The following GUCY1A2 variants were observed in gnomAD, a reference collection of about 807,000 sequenced individuals.
GUCY1A2 encodes guanylate cyclase soluble subunit alpha-2.
A neutral mutation model predicts 63.5 loss-of-function variants in GUCY1A2; 27 were observed. That is an observed-to-expected ratio of 0.43 (90% confidence interval 0.31 to 0.59). The LOEUF (loss-of-function observed/expected upper bound fraction) is 0.59. Ranked by LOEUF, GUCY1A2 falls within the 20% of genes least tolerant of loss-of-function variation. The pLI, the probability that GUCY1A2 is intolerant of heterozygous loss-of-function variation, is 0.11. For synonymous variants in GUCY1A2, 364 were observed against 343.5 expected, an observed-to-expected ratio of 1.06 and a Z score of -0.66; for missense variants, 768 against 913.3, an observed-to-expected ratio of 0.84 and a Z score of 2.05.
chr11:106,934,720 A>G (rs1316979197), intron 4 of GUCY1A2, among the ~76,000 whole-genome samples: 1 of 152,182 alleles, frequency 6.6e-6, no homozygotes, highest in Non-Finnish European at 1.5e-5. Context: ...CCTCAGTTCC[A>G]ACCCTGAGAA....
chr11:106,818,474 T>C (rs1386083807), intron 4 of GUCY1A2, among the ~76,000 whole-genome samples: 1 of 152,166 alleles, frequency 6.6e-6, no homozygotes, highest in Non-Finnish European at 1.5e-5. Context: ...CAACGAGCTG[T>C]TCCCAGTTCT....
intron 3 of GUCY1A2, among the ~76,000 whole-genome samples, chr11:106,966,814 T>C (rs1469312881): frequency 2.0e-5 from 3 of 152,122 alleles, no homozygotes; most frequent in African/African-American, 4.8e-5. Flanking sequence ...AGCTTAAAAA[T>C]AGCACTAAAG....
Position 106,830,353 on chromosome 11 carries a change from A to T in GUCY1A2, c.1207-19875T>A, listed in dbSNP as rs187568308. ...ATGGGTTCAAGTTGACAAGGGGTGG[A>T]CTTGTGATGGTTATTACTGAATGTC... is the stretch of plus-strand genomic sequence containing the variant. On this transcript the variant is annotated intron_variant, in intron 4 of 7. Coordinates refer to ENST00000526355, the MANE Select transcript of GUCY1A2 (RefSeq NM_000855.3). Among the ~76,000 whole-genome samples, 4 of 152,276 alleles carry T rather than the reference A, an allele frequency of 2.6e-5. No individual in the cohort carries two copies. The East Asian group carries it at 7.7e-4, about 29-fold the overall frequency.
At chr11:106,807,707 C>T (rs1271274630) in intron 5 of GUCY1A2, among the ~76,000 whole-genome samples, 1 of 152,164 alleles carries the variant, frequency 6.6e-6, no homozygotes, top group African/African-American at 2.4e-5. Context: ...AGTCAATGGA[C>T]TGGGAGAGGC....
chr11:106,891,548 C>G (rs1032475479), intron 4 of GUCY1A2, among the ~76,000 whole-genome samples: 1 of 151,926 alleles, frequency 6.6e-6, no homozygotes. Flanking sequence ...GTGATTTGCT[C>G]TAGAAGCTGT....
chr11:106,981,197 T>G (rs987386854), intron 2 of GUCY1A2, among the ~76,000 whole-genome samples: 1 of 152,180 alleles, frequency 6.6e-6, no homozygotes, highest in African/African-American at 2.4e-5. Flanking sequence ...CATGAAAGCT[T>G]AAGTAATATC....
At chr11:106,691,616 A>G (rs567020865) in intron 7 of GUCY1A2, among the ~76,000 whole-genome samples, 22 of 152,230 alleles carry the variant, frequency 1.4e-4, no homozygotes, top group Non-Finnish European at 3.1e-4. Flanking sequence ...CAGATGTCAG[A>G]ACTTTTAAAT....
rs575436468 is a variant in GUCY1A2, at chr11:106,863,489, T to C, written c.1207-53011A>G. Among the ~76,000 whole-genome samples the C allele has an allele frequency of 8.5e-5, 13 of 152,262 alleles. No individual in the cohort carries two copies. The South Asian group carries it at 1.0e-3, about 12-fold the overall frequency. On this transcript the variant is annotated intron_variant, in intron 4 of 7. Coordinates refer to ENST00000526355, the MANE Select transcript of GUCY1A2 (RefSeq NM_000855.3). ...TTTCTGAGGCCTCTGTTCTGTTCCATTGGTCTATATATCTGTTTTGGTACC... is the reference window on the plus strand; with the variant it reads ...TTTCTGAGGCCTCTGTTCTGTTCCACTGGTCTATATATCTGTTTTGGTACC...
At chr11:106,833,489 T>G (rs372172669) in intron 4 of GUCY1A2, among the ~76,000 whole-genome samples, 4 of 152,144 alleles carry the variant, frequency 2.6e-5, no homozygotes, top group African/African-American at 9.7e-5. Context: ...CATTCTTGAT[T>G]CCTTTTCCAA....
intron 6 of GUCY1A2, among the ~76,000 whole-genome samples, chr11:106,726,456 A>G (rs780643146): frequency 1.3e-5 from 2 of 152,116 alleles, no homozygotes; most frequent in African/African-American, 2.4e-5. Context: ...AAACAGATCA[A>G]TAAGTGTATA....
chr11:106,858,946 T>C (rs1971268), intron 4 of GUCY1A2, among the ~76,000 whole-genome samples: 58,637 of 151,892 alleles, frequency 0.39, 11,572 homozygotes, highest in Middle Eastern at 0.45. Context: ...AATTGAAACA[T>C]TGGAGCAGGG....
chr11:106,728,379 C>T (rs1863443889), intron 6 of GUCY1A2, among the ~76,000 whole-genome samples: 3 of 152,146 alleles, frequency 2.0e-5, no homozygotes, highest in Non-Finnish European at 2.9e-5. Context: ...TATTTTAGTA[C>T]ATATATATCA....
intron 3 of GUCY1A2, among the ~76,000 whole-genome samples, chr11:106,974,047 T>C (rs183579610): frequency 6.6e-6 from 1 of 152,210 alleles, no homozygotes; most frequent in African/African-American, 2.4e-5. Context: ...TGAGATGCAT[T>C]TTCAACCCAA....
chr11:106,950,081 CTAATT>C (rs1246379642), intron 3 of GUCY1A2, among the ~76,000 whole-genome samples: 1 of 152,182 alleles, frequency 6.6e-6, no homozygotes, highest in Non-Finnish European at 1.5e-5. Context: ...TGCCAAATGA[CTAATT>C]TAATAGGTGT....
At chr11:106,785,243 T>G (rs1565289172) in intron 5 of GUCY1A2, among the ~76,000 whole-genome samples, 1 of 152,130 alleles carries the variant, frequency 6.6e-6, no homozygotes, top group African/African-American at 2.4e-5. Context: ...AAGGAGAAGA[T>G]GCAAAGAGAA....
At chr11:106,845,082 T>C (rs1292177763) in intron 4 of GUCY1A2, among the ~76,000 whole-genome samples, 2 of 151,738 alleles carry the variant, frequency 1.3e-5, no homozygotes, top group Non-Finnish European at 3.0e-5. Context: ...TCTTTCAAGA[T>C]GGAGTTACCT....
At chr11:106,748,013 T>G (rs1337359347) in intron 6 of GUCY1A2, among the ~76,000 whole-genome samples, 2 of 152,188 alleles carry the variant, frequency 1.3e-5, no homozygotes, top group Non-Finnish European at 2.9e-5. Context: ...GCAGCAAAGC[T>G]CATAGAAACT....
At chr11:106,832,659 A>G (rs1207554732) in intron 4 of GUCY1A2, among the ~76,000 whole-genome samples, 2 of 152,056 alleles carry the variant, frequency 1.3e-5, no homozygotes, top group Admixed American at 6.6e-5. Flanking sequence ...TCCCCTATAT[A>G]AGGTCTAAGA....
chr11:106,951,931 G>A (rs180865136), intron 3 of GUCY1A2, among the ~76,000 whole-genome samples: 193 of 152,256 alleles, frequency 1.3e-3, no homozygotes, highest in African/African-American at 4.5e-3. Context: ...TAAGAAAGGG[G>A]TCTAGTTTTA....
Sources: allele counts gnomAD v4.1 joint callset (sites outside exome capture counted in the v4.1 genomes callset), GRCh38; gene constraint gnomAD v4.1.1; transcripts MANE v1.5; gene names NCBI Gene and HGNC (gene_info 2026-07-23, HGNC 2026-07-21).